The following SLC25A46 variants were observed in gnomAD, a reference collection of about 807,000 sequenced individuals.
SLC25A46 encodes the protein solute carrier family 25 member 46.
A neutral mutation model predicts 44.6 loss-of-function variants in SLC25A46; 39 were observed. The ratio of observed to expected loss-of-function variants is 0.87; its 90% CI spans 0.68 to 1.14. The LOEUF (loss-of-function observed/expected upper bound fraction) is 1.14. Among genes scored for constraint, SLC25A46 ranks in the 50% most tolerant of loss-of-function variants. The pLI is 0.00. For synonymous variants in SLC25A46, 202 were observed against 185.8 expected (o/e 1.09, Z -0.71); for missense variants, 547 against 522.7 (o/e 1.05, Z -0.45).
rs1186440654 is a variant in SLC25A46 at position 110,739,174 on chromosome 5, C to T, written c.55C>T (p.Arg19Trp). 3 of 1,550,918 alleles carry T rather than the reference C, an allele frequency of 1.9e-6. No individual in the cohort carries two copies. The African/African-American group carries it at 4.1e-5, about 21-fold the overall frequency. Reference sequence around the variant, plus strand: ...TGGCTTGGGCTACCGGGGTGGTGCCCGGGACGAGCAGGGCTTTGGCGGCGC... The same window carrying T: ...TGGCTTGGGCTACCGGGGTGGTGCCTGGGACGAGCAGGGCTTTGGCGGCGC... ...FDGLGYRGGA[R>W]DEQGFGGAFP... is the part of the protein sequence containing the mutation. The change falls in exon 1 of 8, where the codon CGG becomes TGG. Residue 19 changes from arginine to tryptophan, a missense_variant. Arg to Trp is a moderately radical substitution (Grantham distance 101). Coordinates refer to ENST00000355943, the MANE Select transcript of SLC25A46 (RefSeq NM_138773.4).
At chr5:110,744,385 T>G (rs942435057) in intron 3 of SLC25A46, among the ~76,000 whole-genome samples, 1 of 152,244 alleles carries the variant, frequency 6.6e-6, no homozygotes, top group African/African-American at 2.4e-5. Context: ...TTATACTTTG[T>G]TACATTAAAA....
At position 110,761,683 on chromosome 5, in the gene SLC25A46, T is replaced by C; in HGVS notation, c.1158T>C (p.Tyr386=). The C allele has an allele frequency of 6.2e-7, 1 of 1,613,528 alleles. No homozygotes were observed. Among genetic ancestry groups the C allele is most frequent in the Non-Finnish European group, 8.5e-7 (1 of 1,179,670 alleles). Residue 386 remains tyrosine (Y), a synonymous_variant, in exon 8 of 8, where the codon TAT becomes TAC. Coordinates refer to ENST00000355943, the MANE Select transcript of SLC25A46 (RefSeq NM_138773.4). The surrounding 1 kb of genome is among the most constrained non-coding windows in gnomAD (Gnocchi z 5.3). ...AGGAGGAAGGAGTGTTTGGTTTTTA[T>C]AAAGGGTTTGGTGCTGTTATAATAC... ...IRQEEGVFGF[Y]KGFGAVIIQY...
chr5:110,750,364 T>A (rs1799934988), intron 5 of SLC25A46, among the ~76,000 whole-genome samples: 1 of 152,048 alleles, frequency 6.6e-6, no homozygotes, highest in Non-Finnish European at 1.5e-5. Flanking sequence ...ATTCTTGAAA[T>A]TCTTTAACAA....
At chr5:110,748,580 G>A (rs1244559821) in intron 5 of SLC25A46, among the ~76,000 whole-genome samples, 3 of 152,116 alleles carry the variant, frequency 2.0e-5, no homozygotes, top group Non-Finnish European at 4.4e-5. Context: ...AAATTAGTAT[G>A]TGATAAAGAA....
intron 1 of SLC25A46, among the ~76,000 whole-genome samples, chr5:110,740,383 G>A (rs942089776): frequency 6.6e-6 from 1 of 152,136 alleles, no homozygotes; most frequent in African/African-American, 2.4e-5. Flanking sequence ...ATGAGGATGT[G>A]AAGAAAGATA....
chr5:110,747,430 C>T (rs974233810), intron 4 of SLC25A46, among the ~76,000 whole-genome samples: 2 of 151,910 alleles, frequency 1.3e-5, no homozygotes, highest in Non-Finnish European at 1.5e-5. Context: ...ATGGATTATC[C>T]CGATAAATTT....
At chr5:110,748,397 T>A in intron 5 of SLC25A46, 134 bp downstream of exon 5, 3 of 649,256 alleles carry the variant, frequency 4.6e-6, no homozygotes, top group Non-Finnish European at 8.2e-6. Flanking sequence ...GATCCTCTCA[T>A]CCAACAATTC....
chr5:110,755,309 C>G (rs571680002), intron 5 of SLC25A46, 156 bp from the exon 6 acceptor site: 13 of 534,424 alleles, frequency 2.4e-5, no homozygotes, highest in Non-Finnish European at 4.3e-5. Context: ...GTTGTTTACA[C>G]TGTGTTCTAG....
At chr5:110,745,907 A>C (rs1283118588) in intron 3 of SLC25A46, 1 of 161,582 alleles carries the variant, frequency 6.2e-6, no homozygotes, top group Non-Finnish European at 1.3e-5. Flanking sequence ...AGTTGATTTC[A>C]TATACCAGTC....
chr5:110,754,574 T>C (rs569686976), intron 5 of SLC25A46: 2 of 151,864 alleles, frequency 1.3e-5, no homozygotes, highest in South Asian at 4.2e-4. Context: ...TTTCTTGTTT[T>C]CCAAAGGTAA....
At chr5:110,755,829 T>C (rs1800097580) in intron 6 of SLC25A46, among the ~76,000 whole-genome samples, 1 of 152,192 alleles carries the variant, frequency 6.6e-6, no homozygotes, top group Non-Finnish European at 1.5e-5. Flanking sequence ...AGTATAACTA[T>C]TTTATTGTTA....
rs997497274 is a variant in SLC25A46 at position 110,744,631 on chromosome 5, A to G, written c.384+844A>G. On this transcript the variant is annotated intron_variant, in intron 3 of 7. Coordinates refer to ENST00000355943, the MANE Select transcript of SLC25A46 (RefSeq NM_138773.4). ...TGACGATGCATATAGATTTTCCAAA[A>G]TTCTGAGTTTTAGTTGAAAATTCAA... Among the ~76,000 whole-genome samples, 50 of 152,250 alleles carry G rather than the reference A, an allele frequency of 3.3e-4. 1 individual carries two copies. The highest frequency in any genetic ancestry group is 1.5e-5 in the Non-Finnish European group (1 of 68,036).
chr5:110,751,071 T>C (rs905267990), intron 5 of SLC25A46, among the ~76,000 whole-genome samples: 1 of 152,148 alleles, frequency 6.6e-6, no homozygotes, highest in Admixed American at 6.5e-5. Flanking sequence ...CTCTATTGCA[T>C]TGTTCTACTT....
intron 2 of SLC25A46, 33 bp from the exon 3 acceptor site, chr5:110,743,697 A>T: frequency 7.8e-7 from 1 of 1,288,368 alleles, no homozygotes; most frequent in Non-Finnish European, 1.1e-6. Context: ...ATCTCTATGT[A>T]GACATACATA....
chr5:110,754,391 T>C (rs1204171082), intron 5 of SLC25A46: 1 of 151,392 alleles, frequency 6.6e-6, no homozygotes, highest in Non-Finnish European at 1.5e-5. Flanking sequence ...TACTTTCTTT[T>C]TTTTTCTTTT....
intron 7 of SLC25A46, among the ~76,000 whole-genome samples, chr5:110,757,999 A>G (rs1195083629): frequency 6.6e-6 from 1 of 152,166 alleles, no homozygotes; most frequent in African/African-American, 2.4e-5. Flanking sequence ...AGTTATTTAT[A>G]TAAGTGCCCG....
At position 110,762,698 on chromosome 5, in the gene SLC25A46, CA is replaced by C. The variant is rs1800286710; in HGVS notation, c.*919del. 6.6e-6 allele frequency: 1 copy of C among 151,876 alleles called. No homozygotes were observed. 9.4% of individuals were successfully genotyped at this position (151,876 alleles called of 1,614,324 possible). ...ACAATTACTACTGTTTCCACATTTA[CA>C]AATTGTGTACTTAAATGAACCTCAT... On this transcript the variant is annotated 3_prime_UTR_variant, in exon 8 of 8. Coordinates refer to ENST00000355943, the MANE Select transcript of SLC25A46 (RefSeq NM_138773.4).
intron 5 of SLC25A46, among the ~76,000 whole-genome samples, chr5:110,752,924 A>C (rs1184486768): frequency 1.3e-5 from 2 of 152,022 alleles, no homozygotes; most frequent in Non-Finnish European, 2.9e-5. Flanking sequence ...AACCTTAGGA[A>C]CTCCAACCAA....
intron 5 of SLC25A46, chr5:110,755,226 C>G: frequency 3.2e-6 from 1 of 311,910 alleles, no homozygotes; most frequent in East Asian, 6.1e-5. Context: ...AGTTGTGCCT[C>G]TTGCTTCTCT....
Sources: allele counts gnomAD v4.1 joint callset (sites outside exome capture counted in the v4.1 genomes callset), GRCh38; gene constraint gnomAD v4.1.1; non-coding constraint Gnocchi (gnomAD v3.1); transcripts MANE v1.5; gene names NCBI Gene and HGNC (gene_info 2026-07-23, HGNC 2026-07-21).